Variants in FAAH2 observed in about 807,000 individuals in gnomAD.
The protein encoded by FAAH2 is fatty acid amide hydrolase 2, also known as fatty-acid amide hydrolase 2.
A neutral mutation model predicts 36.9 loss-of-function variants in FAAH2; 60 were observed. The observed-to-expected ratio is 1.63, with a 90% confidence interval of 1.32 to 2.02. FAAH2 has a LOEUF of 2.02. Among genes scored for constraint, FAAH2 ranks in the 30% most tolerant of loss-of-function variants. The probability of loss-of-function intolerance (pLI) is 0.00; values close to 1 mark genes in which losing one functional copy is unlikely to be tolerated. For missense variants in FAAH2, 689 were observed against 397.5 expected (o/e 1.73, Z -6.23); for synonymous variants, 214 against 143.8 (o/e 1.49, Z -3.49).
At chrX:57,433,961 T>C (rs1278822443) in intron 8 of FAAH2, among the ~76,000 whole-genome samples, 6 of 111,709 alleles carry the variant, frequency 5.4e-5, no homozygotes, top group African/African-American at 2.0e-4. Flanking sequence ...AAATGTACTA[T>C]AACACTCTCA....
At chrX:57,259,307 A>G in the FAAH2 span, among the ~76,000 whole-genome samples, 1 of 112,094 alleles carries the variant, frequency 8.9e-6, no homozygotes, top group East Asian at 2.8e-4. Flanking sequence ...CATTCCCATG[A>G]TCGTTGCAAC....
At chrX:57,241,369 G>A in the FAAH2 span, among the ~76,000 whole-genome samples, 3 of 111,647 alleles carry the variant, frequency 2.7e-5, no homozygotes, top group Non-Finnish European at 3.8e-5. Flanking sequence ...CCTATGGAAA[G>A]GAAAATAAAT....
the FAAH2 span, among the ~76,000 whole-genome samples, chrX:57,191,364 A>T: frequency 9.0e-6 from 1 of 111,054 alleles, no homozygotes. Context: ...TGATTGTTTG[A>T]GCTCCTTATA....
At chrX:57,487,232 C>T (rs2057491052) in intron 10 of FAAH2, among the ~76,000 whole-genome samples, 1 of 109,549 alleles carries the variant, frequency 9.1e-6, no homozygotes, top group South Asian at 3.9e-4. Context: ...AAAAGGTTTC[C>T]TAGATACAGC....
the FAAH2 span, among the ~76,000 whole-genome samples, chrX:57,219,677 C>T: frequency 9.1e-6 from 1 of 110,160 alleles, no homozygotes; most frequent in Non-Finnish European, 1.9e-5. Flanking sequence ...GTGATGATGG[C>T]TCCTTTTATC....
At chrX:57,335,653 C>T (rs994040904) in intron 4 of FAAH2, among the ~76,000 whole-genome samples, 2 of 111,853 alleles carry the variant, frequency 1.8e-5, no homozygotes, top group South Asian at 7.6e-4. Context: ...ATCTCAACTG[C>T]AAAGAGGCGT....
intron 2 of FAAH2, among the ~76,000 whole-genome samples, chrX:57,307,194 G>C (rs1339474179): frequency 5.7e-5 from 6 of 104,648 alleles, no homozygotes. Context: ...TATTCTCTCT[G>C]TTTGGGGTTC....
At chrX:57,329,052 T>A (rs959886176) in intron 3 of FAAH2, among the ~76,000 whole-genome samples, 1 of 111,989 alleles carries the variant, frequency 8.9e-6, no homozygotes, top group East Asian at 2.8e-4. Context: ...GTATCTGCCC[T>A]TATTTTTATG....
chrX:57,432,754 A>G (rs1336953648), intron 8 of FAAH2, among the ~76,000 whole-genome samples: 6 of 111,673 alleles, frequency 5.4e-5, no homozygotes, highest in Non-Finnish European at 7.5e-5. Context: ...TATTTGTGTT[A>G]GAGCATGACA....
chrX:57,187,357 C>T, the FAAH2 span, among the ~76,000 whole-genome samples: 9 of 110,336 alleles, frequency 8.2e-5, no homozygotes, highest in East Asian at 2.6e-3. Flanking sequence ...CATAATTTGG[C>T]TCTCTGCTTG....
chrX:57,208,051 G>A, the FAAH2 span, among the ~76,000 whole-genome samples: 1 of 112,736 alleles, frequency 8.9e-6, no homozygotes, highest in Non-Finnish European at 1.9e-5. Flanking sequence ...GAACTGCCAA[G>A]CCTCTATATC....
chrX:57,134,970 T>A, the FAAH2 span: 2 of 111,980 alleles, frequency 1.8e-5, no homozygotes, highest in African/African-American at 6.5e-5. Context: ...TCTTTGACAG[T>A]TGCCACTTCC....
chrX:57,412,536 T>C (rs901413102), intron 7 of FAAH2, among the ~76,000 whole-genome samples: 2 of 112,035 alleles, frequency 1.8e-5, no homozygotes, highest in Non-Finnish European at 3.8e-5. Context: ...TCCATCTTCC[T>C]GCAAAGGACA....
At chrX:57,453,894 C>T (rs1036844268) in intron 10 of FAAH2, among the ~76,000 whole-genome samples, 7 of 111,887 alleles carry the variant, frequency 6.3e-5, no homozygotes, top group African/African-American at 1.3e-4. Context: ...TTGGGGTGTG[C>T]CTTGTTCCAC....
At chrX:57,356,179 T>C (rs957766343) in intron 5 of FAAH2, among the ~76,000 whole-genome samples, 3 of 111,347 alleles carry the variant, frequency 2.7e-5, no homozygotes, top group African/African-American at 9.8e-5. Context: ...TAGTAGTTTG[T>C]TGAATATATT....
rs1249389597 is a variant in FAAH2 at position 57,352,028 on chromosome X, ATATATATACATATATATATGTG to A, written c.742+10647_742+10668del. ...CAAATATATGTGTGTGTGTATATATATATATATACATATATATATGTGTATATATATATATATACACATATAT... is the reference window on the plus strand; with the variant it reads ...CAAATATATGTGTGTGTGTATATATATATATATATATATATACACATATAT... On this transcript the variant is annotated intron_variant, in intron 5 of 10. Coordinates refer to ENST00000374900, the MANE Select transcript of FAAH2 (RefSeq NM_174912.4). 1.5e-3 allele frequency among the ~76,000 whole-genome samples: 18 copies of A among 12,176 alleles called. 1 individual carries two copies. The highest frequency in any genetic ancestry group is 7.4e-3 in the Non-Finnish European group (15 of 2,029). The allele number at this position is 12,176 out of a possible 115,157, so 10.6% of individuals were successfully genotyped here. A position where few individuals can be genotyped will look rare whatever the true frequency, so the allele number is the denominator to read the frequency against.
At chrX:57,210,730 G>C in the FAAH2 span, among the ~76,000 whole-genome samples, 1 of 112,135 alleles carries the variant, frequency 8.9e-6, no homozygotes, top group Non-Finnish European at 1.9e-5. Flanking sequence ...ATTGAAGATG[G>C]TACTGGAAGT....
chrX:57,460,160 A>G (rs1355142944), intron 10 of FAAH2, among the ~76,000 whole-genome samples: 6 of 112,116 alleles, frequency 5.4e-5, no homozygotes, highest in African/African-American at 1.9e-4. Flanking sequence ...GGACTATATG[A>G]AAAGAATGAA....
chrX:57,267,928 A>G, the FAAH2 span, among the ~76,000 whole-genome samples: 1 of 112,675 alleles, frequency 8.9e-6, no homozygotes, highest in Non-Finnish European at 1.9e-5. Flanking sequence ...AAACTCAAAA[A>G]GCCAGAATAC....
Sources: gnomAD v4.1 joint callset for allele counts (sites outside exome capture counted in the v4.1 genomes callset) on GRCh38, gnomAD v4.1.1 for gene constraint, MANE v1.5 for transcripts, NCBI Gene and HGNC (gene_info 2026-07-23, HGNC 2026-07-21) for gene names.